SLC1A7: variants seen among roughly 807,000 people sequenced by gnomAD.
SLC1A7 encodes the protein excitatory amino acid transporter 5.
Under a neutral mutation model 47.7 loss-of-function variants are expected in SLC1A7, and 40 were observed. The ratio of observed to expected loss-of-function variants is 0.84; its 90% CI spans 0.65 to 1.09. SLC1A7 has a LOEUF of 1.09. Among genes scored for constraint, SLC1A7 ranks in the 50% least tolerant of loss-of-function variants. The probability of loss-of-function intolerance (pLI) is 0.00; values close to 1 mark genes in which losing one functional copy is unlikely to be tolerated. For synonymous variants in SLC1A7, 323 were observed against 325.6 expected, an observed-to-expected ratio of 0.99 and a Z score of 0.09; for missense variants, 746 against 769.5, an observed-to-expected ratio of 0.97 and a Z score of 0.36.
chr1:53,106,464 C>T (rs931151042), intron 3 of SLC1A7, among the ~76,000 whole-genome samples: 1 of 151,872 alleles, frequency 6.6e-6, no homozygotes, highest in African/African-American at 2.4e-5. Context: ...ATTAGCTGGG[C>T]ACGGTGGCGG....
At chr1:53,103,685 T>C (rs1207889910) in intron 4 of SLC1A7, 117 bp from the exon 5 acceptor site, 17 of 618,044 alleles carry the variant, frequency 2.8e-5, no homozygotes, top group Non-Finnish European at 4.4e-5. Context: ...CCTATTTGAT[T>C]GACAGTAACC....
In SLC1A7 at chr1:53,114,976, G is replaced by A; in HGVS notation, c.216-3C>T. 2 of 1,612,530 alleles carry A rather than the reference G, an allele frequency of 1.2e-6. No homozygotes were observed. Among genetic ancestry groups the A allele is most frequent in the African/African-American group, 1.3e-5 (1 of 75,026 alleles). On this transcript the variant is annotated splice_region_variant and splice_polypyrimidine_tract_variant and intron_variant, in intron 2 of 10. Transcript: ENST00000371494. ...GGGAGGCAAGTCCGGACATCAAGCT[G>A]GGAGGGCGAGGGGGTCAGGGGCTGT...
chr1:53,095,520 C>T (rs995187981), intron 5 of SLC1A7, among the ~76,000 whole-genome samples: 5 of 148,716 alleles, frequency 3.4e-5, no homozygotes, highest in African/African-American at 1.0e-4. Flanking sequence ...CACTCTGCCT[C>T]GTTACACTCA....
At chr1:53,116,335 G>C (rs534416948) in intron 2 of SLC1A7, 1 of 152,454 alleles carries the variant, frequency 6.6e-6, no homozygotes, top group Non-Finnish European at 1.5e-5. Flanking sequence ...GCCTCCCACT[G>C]TCCCTGCCCC....
rs1644460335 is a variant in SLC1A7, at chr1:53,094,379, GAA to G, written c.698-821_698-820del. The stretch of plus-strand genomic sequence containing the variant: ...GGGTGAGCTCTGTCAGGCCAGTCCT[GAA>G]ACAGGGACTGAGTGGCTGCCCTACC... On this transcript the variant is annotated intron_variant, in intron 5 of 10. Coordinates refer to ENST00000371494, the MANE Select transcript of SLC1A7 (RefSeq NM_006671.6). 2.5e-4 allele frequency among the ~76,000 whole-genome samples: 38 copies of G among 152,326 alleles called. No homozygotes were observed. The South Asian group carries it at 7.9e-3, about 32-fold the overall frequency.
At position 53,090,722 on chromosome 1, in the gene SLC1A7, C is replaced by A. The variant is rs775237691; in HGVS notation, c.1116G>T (p.Val372=). The change falls in exon 8 of 11, where the codon GTG becomes GTT. Residue 372 remains valine (V), a synonymous_variant. Coordinates refer to ENST00000371494, the MANE Select transcript of SLC1A7 (RefSeq NM_006671.6). ...TGCCGTCCATGTTGATGGTGGCACCCACGGGCAGCACGAAGCGAGCGATGC... is the reference window on the plus strand; with the variant it reads ...TGCCGTCCATGTTGATGGTGGCACCAACGGGCAGCACGAAGCGAGCGATGC... ...DRRIARFVLP[V]GATINMDGTA... The A allele has an allele frequency of 1.9e-6, 3 of 1,613,916 alleles. No individual in the cohort carries two copies. Among genetic ancestry groups the A allele is most frequent in the African/African-American group, 2.7e-5 (2 of 74,952 alleles).
intron 5 of SLC1A7, among the ~76,000 whole-genome samples, chr1:53,096,013 A>C (rs1383507586): frequency 1.4e-5 from 2 of 143,280 alleles, no homozygotes; most frequent in Non-Finnish European, 3.0e-5. Context: ...CAGTACACTC[A>C]CTCCACCTCA....
At chr1:53,120,576 A>G (rs1213783858) in intron 2 of SLC1A7, among the ~76,000 whole-genome samples, 5 of 152,084 alleles carry the variant, frequency 3.3e-5, no homozygotes, top group Non-Finnish European at 7.4e-5. Context: ...TCCATCCACC[A>G]TCCCTTCCCC....
chr1:53,100,963 A>T (rs28545024), intron 5 of SLC1A7, among the ~76,000 whole-genome samples: 2 of 146,792 alleles, frequency 1.4e-5, no homozygotes, highest in South Asian at 2.2e-4. Flanking sequence ...CCCACACCGC[A>T]CCTTGGTCCA....
At chr1:53,127,785 C>G (rs1326837831) in intron 2 of SLC1A7, among the ~76,000 whole-genome samples, 2 of 152,106 alleles carry the variant, frequency 1.3e-5, no homozygotes, top group African/African-American at 4.8e-5. Context: ...CACTGCACAG[C>G]TGTCAATGCT....
intron 5 of SLC1A7, among the ~76,000 whole-genome samples, chr1:53,097,347 G>A (rs923237191): frequency 1.5e-4 from 21 of 141,142 alleles, no homozygotes; most frequent in Admixed American, 1.3e-3. Flanking sequence ...ACCTGCCTCC[G>A]TGTACTCACA....
chr1:53,133,356 T>A (rs1406933692), intron 2 of SLC1A7, among the ~76,000 whole-genome samples: 1 of 152,194 alleles, frequency 6.6e-6, no homozygotes, highest in East Asian at 1.9e-4. Context: ...GGCTGAGTCC[T>A]GAGAAATTTA....
intron 5 of SLC1A7, among the ~76,000 whole-genome samples, chr1:53,100,961 G>A (rs902019633): frequency 2.0e-4 from 24 of 118,110 alleles, no homozygotes; most frequent in African/African-American, 7.1e-4. Context: ...CTCCCACACC[G>A]CACCTTGGTC....
intron 3 of SLC1A7, 114 bp downstream of exon 3, chr1:53,114,644 A>C (rs570555501): frequency 2.7e-5 from 23 of 865,776 alleles, no homozygotes; most frequent in Non-Finnish European, 3.7e-5. Context: ...CACCAGGGTG[A>C]TCATGGACTC....
At chr1:53,103,273 T>G in intron 5 of SLC1A7, 73 bp downstream of exon 5, 2 of 1,109,326 alleles carry the variant, frequency 1.8e-6, no homozygotes, top group Non-Finnish European at 2.6e-6. Context: ...CAGTAAGAGG[T>G]GGAGGAGCAG....
intron 2 of SLC1A7, among the ~76,000 whole-genome samples, chr1:53,129,520 G>A (rs1644918464): frequency 4.8e-5 from 5 of 103,828 alleles, no homozygotes; most frequent in Admixed American, 1.9e-4. Flanking sequence ...AAGCACACAT[G>A]TCTGAGGAGG....
At chr1:53,138,527 C>T (rs571644141) in intron 1 of SLC1A7, among the ~76,000 whole-genome samples, 3 of 129,476 alleles carry the variant, frequency 2.3e-5, no homozygotes, top group South Asian at 2.3e-4. Flanking sequence ...CAGTTATTGA[C>T]ATTAATTTTT....
rs952154029 is a variant in SLC1A7 at position 53,092,756 on chromosome 1, C to T, written c.829G>A (p.Ala277Thr). The change falls in exon 7 of 11, where the codon GCG becomes ACG. Residue 277 changes from alanine (A) to threonine (T), a missense_variant. Transcript: ENST00000371494. ...TCGTCCATCTCCAGGATCTTACCCG[C>T]AATGAGGAACACAATGCCGAAGGGG... is the stretch of plus-strand genomic sequence containing the variant. ...YFPFGIVFLI[A>T]GKILEMDDPR... 4 of 1,613,854 alleles carry T rather than the reference C, an allele frequency of 2.5e-6. No homozygotes were observed. In the South Asian group the frequency reaches 3.3e-5, roughly 13 times the overall value.
At chr1:53,121,486 C>CT (rs1644825296) in intron 2 of SLC1A7, among the ~76,000 whole-genome samples, 1 of 152,240 alleles carries the variant, frequency 6.6e-6, no homozygotes, top group South Asian at 2.1e-4. Context: ...GAGAGGGTGT[C>CT]TAGAGATCAG....
Sources: allele counts gnomAD v4.1 joint callset (sites outside exome capture counted in the v4.1 genomes callset), GRCh38; gene constraint gnomAD v4.1.1; transcripts MANE v1.5; gene names NCBI Gene and HGNC (gene_info 2026-07-23, HGNC 2026-07-21).